SEMA6C: variants seen among roughly 807,000 people sequenced by gnomAD.
SEMA6C encodes the protein semaphorin-6C.
A neutral mutation model predicts 72.9 loss-of-function variants in SEMA6C; 37 were observed. The ratio of observed to expected loss-of-function variants is 0.51; its 90% CI spans 0.39 to 0.67. The LOEUF is 0.67. Among genes scored for constraint, SEMA6C ranks in the 30% least tolerant of loss-of-function variants. SEMA6C has a pLI of 0.00. For missense variants in SEMA6C, 1,189 were observed against 1,263.6 expected, an observed-to-expected ratio of 0.94 and a Z score of 0.89; for synonymous variants, 578 against 554.1, an observed-to-expected ratio of 1.04 and a Z score of -0.61.
chr1:151,133,174 G>A lies in SEMA6C; in HGVS notation c.2103C>T (p.Pro701=), dbSNP rs1402035474. The A allele has an allele frequency of 7.1e-6, 11 of 1,559,854 alleles. No individual in the cohort carries two copies. The highest frequency in any genetic ancestry group is 8.6e-6 in the Non-Finnish European group (10 of 1,163,922). The change falls in exon 19 of 19, where the codon CCC becomes CCT. Residue 701 remains proline (P), a synonymous_variant. Coordinates refer to ENST00000368914, the MANE Select transcript of SEMA6C (RefSeq NM_030913.6). The surrounding 1 kb of genome is among the most constrained non-coding windows in gnomAD (Gnocchi z 5.9). ...TGACCGGCAGCTCCGGCGTGGACTCGGGGGTGGGCAGGCAGGCCAGCTCCG... is the reference window on the plus strand; with the variant it reads ...TGACCGGCAGCTCCGGCGTGGACTCAGGGGTGGGCAGGCAGGCCAGCTCCG... ...PPPELACLPT[P]ESTPELPVKH...
chr1:151,133,993 G>A lies in SEMA6C; in HGVS notation c.1759+408C>T. The A allele has an allele frequency of 8.7e-7, 1 of 1,153,016 alleles. No individual in the cohort carries two copies. Among genetic ancestry groups the A allele is most frequent in the Non-Finnish European group, 1.2e-6 (1 of 801,698 alleles). 71.4% of individuals were successfully genotyped at this position (1,153,016 alleles called of 1,614,324 possible). A position where few individuals can be genotyped will look rare whatever the true frequency, so the allele number is the denominator to read the frequency against. On this transcript the variant is annotated intron_variant, in intron 18 of 18. Coordinates refer to ENST00000368914, the MANE Select transcript of SEMA6C (RefSeq NM_030913.6). This position sits in a 1 kb window ranked among gnomAD's most constrained non-coding sequence, Gnocchi z 5.9. ...TGAACTCCAAGAGTGGAAGACTGGG[G>A]CCGGGGGTGGGCATCACTGGGAGGA...
intron 6 of SEMA6C, among the ~76,000 whole-genome samples, chr1:151,138,991 G>T (rs1267166432): frequency 6.6e-6 from 1 of 151,858 alleles, no homozygotes; most frequent in Non-Finnish European, 1.5e-5. Flanking sequence ...TACTTGGGAG[G>T]CTGAGGCAGG....
At chr1:151,138,935 T>C in intron 6 of SEMA6C, among the ~76,000 whole-genome samples, 1 of 151,664 alleles carries the variant, frequency 6.6e-6, no homozygotes, top group Non-Finnish European at 1.5e-5. Flanking sequence ...TCTACTAAAA[T>C]ACAAAAAATT....
chr1:151,143,826 C>G (rs1043352377), intron 2 of SEMA6C, among the ~76,000 whole-genome samples: 11 of 152,160 alleles, frequency 7.2e-5, no homozygotes, highest in Non-Finnish European at 1.5e-4. Context: ...AGACTCCTTT[C>G]TTTTGTGAAC....
In SEMA6C at chr1:151,133,227, G is replaced by A; in HGVS notation, c.2050C>T (p.Leu684=). 2 of 1,579,738 alleles carry A rather than the reference G, an allele frequency of 1.3e-6. No homozygotes were observed. Among genetic ancestry groups the A allele is most frequent in the Non-Finnish European group, 1.7e-6 (2 of 1,169,118 alleles). Residue 684 remains leucine (L), a synonymous_variant, in exon 19 of 19, where the codon CTG becomes TTG. Coordinates refer to ENST00000368914, the MANE Select transcript of SEMA6C (RefSeq NM_030913.6). This position sits in a 1 kb window ranked among gnomAD's most constrained non-coding sequence, Gnocchi z 5.9. ...VQTPQLYTTF[L]PPPEGVPPPE... is the part of the protein sequence containing the mutation. Reference sequence around the variant, plus strand: ...GGGGGCACGCCCTCCGGAGGCGGCAGGAAGGTGGTGTAGAGCTGCGGCGTC... The same window carrying A: ...GGGGGCACGCCCTCCGGAGGCGGCAAGAAGGTGGTGTAGAGCTGCGGCGTC...
chr1:151,132,915 C>T lies in SEMA6C; in HGVS notation c.2362G>A (p.Ala788Thr), dbSNP rs1272043877. The T allele has an allele frequency of 7.3e-7, 1 of 1,377,176 alleles. No homozygotes were observed. The highest frequency in any genetic ancestry group is 9.4e-7 in the Non-Finnish European group (1 of 1,065,176). 85.3% of individuals were successfully genotyped at this position (1,377,176 alleles called of 1,614,324 possible). The change falls in exon 19 of 19, where the codon GCC becomes ACC. Residue 788 changes from alanine to threonine, a missense_variant. This residue lies in a region of SEMA6C where 721 missense variants were observed against 686.2 expected (regional missense o/e 1.05). Transcript: ENST00000368914. ...QPPRKGAEPPAPLTSRALPPE... is the reference protein window; with the variant it reads ...QPPRKGAEPPTPLTSRALPPE... ...GGGAGCGCCCGCGAGGTTAAAGGGGCGGGGGGCTCGGCCCCCTTTCTGGGC... is the reference window on the plus strand; with the variant it reads ...GGGAGCGCCCGCGAGGTTAAAGGGGTGGGGGGCTCGGCCCCCTTTCTGGGC...
intron 16 of SEMA6C, 38 bp downstream of exon 16, chr1:151,134,760 A>G (rs1304522251): frequency 6.2e-7 from 1 of 1,612,108 alleles, no homozygotes; most frequent in Non-Finnish European, 8.5e-7. Context: ...ATTGGTGGGG[A>G]ATTTTATGCT....
chr1:151,142,631 G>A lies in SEMA6C; in HGVS notation c.-10C>T. ...GGGGGGCACGGGGCATCCTGTGCGG[G>A]GCAGCTCAGGCCCCAGGGGGTGCCC... On this transcript the variant is annotated 5_prime_UTR_variant, in exon 3 of 19. Coordinates refer to ENST00000368914, the MANE Select transcript of SEMA6C (RefSeq NM_030913.6). 7.8e-6 allele frequency: 12 copies of A among 1,544,218 alleles called. No individual in the cohort carries two copies. The highest frequency in any genetic ancestry group is 1.0e-5 in the Non-Finnish European group (12 of 1,148,748).
At position 151,137,773 on chromosome 1, in the gene SEMA6C, G is replaced by C; in HGVS notation, c.694C>G (p.His232Asp). Residue 232 changes from histidine (H) to aspartate (D), a missense_variant, in exon 10 of 19, where the codon CAT becomes GAT. His to Asp is a moderately conservative substitution (Grantham distance 81, BLOSUM62 -1). Transcript: ENST00000368914. Reference protein sequence around the residue: ...REPHFVQALEHGDHVYFFFRE... With the variant: ...REPHFVQALEDGDHVYFFFRE... ...AAGAAGAAGTAGACATGGTCTCCATGCTCCAAGGCCTGGACAAAGTGTGGC... is the reference window on the plus strand; with the variant it reads ...AAGAAGAAGTAGACATGGTCTCCATCCTCCAAGGCCTGGACAAAGTGTGGC... The C allele has an allele frequency of 6.2e-7, 1 of 1,613,700 alleles. No individual in the cohort carries two copies. Among genetic ancestry groups the C allele is most frequent in the Non-Finnish European group, 8.5e-7 (1 of 1,179,718 alleles).
Position 151,132,917 on chromosome 1 carries a change from G to T in SEMA6C, c.2360C>A (p.Pro787His). The change falls in exon 19 of 19, where the codon CCC becomes CAC. Residue 787 changes from proline (P) to histidine (H), a missense_variant. Pro to His is a moderately conservative substitution (Grantham distance 77). Coordinates refer to ENST00000368914, the MANE Select transcript of SEMA6C (RefSeq NM_030913.6). The part of the protein sequence containing the change: ...PQPPRKGAEP[P>H]APLTSRALPP... ...GAGCGCCCGCGAGGTTAAAGGGGCGGGGGGCTCGGCCCCCTTTCTGGGCGG... is the reference window on the plus strand; with the variant it reads ...GAGCGCCCGCGAGGTTAAAGGGGCGTGGGGCTCGGCCCCCTTTCTGGGCGG... 4 of 1,384,266 alleles carry T rather than the reference G, an allele frequency of 2.9e-6. No homozygotes were observed. Among genetic ancestry groups the T allele is most frequent in the Non-Finnish European group, 2.8e-6 (3 of 1,068,990 alleles). 85.7% of individuals were successfully genotyped at this position (1,384,266 alleles called of 1,614,324 possible). A position where few individuals can be genotyped will look rare whatever the true frequency, so the allele number is the denominator to read the frequency against.
rs1682948880 is a variant in SEMA6C, at chr1:151,146,533, T to C, written c.-205A>G. ...GTGGTTGTGCTCAGGCGAGATGCGA[T>C]GAGCGTCCGAATTGGATGGTGCTTG... On this transcript the variant is annotated 5_prime_UTR_variant, in exon 1 of 19. Coordinates refer to ENST00000368914, the MANE Select transcript of SEMA6C (RefSeq NM_030913.6). This position sits in a 1 kb window ranked among gnomAD's most constrained non-coding sequence, Gnocchi z 4.6. The C allele has an allele frequency of 6.6e-6, 1 of 152,264 alleles. No homozygotes were observed. Among genetic ancestry groups the C allele is most frequent in the Non-Finnish European group, 1.5e-5 (1 of 68,072 alleles). The allele number at this position is 152,264 out of a possible 1,614,324, so 9.4% of individuals were successfully genotyped here.
chr1:151,138,240 A>G (rs1682227951), intron 8 of SEMA6C, 76 bp downstream of exon 8: 1 of 1,586,232 alleles, frequency 6.3e-7, no homozygotes, highest in Non-Finnish European at 8.6e-7. Context: ...AATGGGGGAA[A>G]GACCCACTGG....
rs1184072045 is a variant in SEMA6C, at chr1:151,134,516, C to A, written c.1715-71G>T. Reference sequence around the variant, plus strand: ...ATGAAGAACTGATGGGGTGACTGTGCCACAGAAGGAGAGAAGGACAAAAGG... The same window carrying A: ...ATGAAGAACTGATGGGGTGACTGTGACACAGAAGGAGAGAAGGACAAAAGG... On this transcript the variant is annotated intron_variant, in intron 17 of 18. Transcript: ENST00000368914. 3 of 1,603,230 alleles carry A rather than the reference C, an allele frequency of 1.9e-6. No individual in the cohort carries two copies. In the East Asian group the frequency reaches 6.7e-5, roughly 36 times the overall value.
In SEMA6C at chr1:151,133,199, G is replaced by C; in HGVS notation, c.2078C>G (p.Pro693Arg). The change falls in exon 19 of 19, where the codon CCG becomes CGG. Residue 693 changes from proline to arginine, a missense_variant. Pro to Arg is a moderately radical substitution (Grantham distance 103). This residue lies in a region of SEMA6C where 721 missense variants were observed against 686.2 expected (regional missense o/e 1.05). Coordinates refer to ENST00000368914, the MANE Select transcript of SEMA6C (RefSeq NM_030913.6). The surrounding 1 kb of genome is among the most constrained non-coding windows in gnomAD (Gnocchi z 5.9). ...FLPPPEGVPP[P>R]ELACLPTPES... ...GGGGGTGGGCAGGCAGGCCAGCTCCGGCGGGGGCACGCCCTCCGGAGGCGG... is the reference window on the plus strand; with the variant it reads ...GGGGGTGGGCAGGCAGGCCAGCTCCCGCGGGGGCACGCCCTCCGGAGGCGG... 1.3e-6 allele frequency: 2 copies of C among 1,569,978 alleles called. No homozygotes were observed. Among genetic ancestry groups the C allele is most frequent in the Non-Finnish European group, 1.7e-6 (2 of 1,166,526 alleles).
rs766594931 is a variant in SEMA6C at position 151,135,592 on chromosome 1, G to A, written c.1432C>T (p.Arg478Trp). ...GGGCCTGCCCTCCAAAGGCCTCACC[G>A]GGCAGGGCTGTAGGCATCAATCTCT... is the stretch of plus-strand genomic sequence containing the variant. ...LEEIDAYSPA[R>W]CSGKRTAQTA... Residue 478 changes from arginine (R) to tryptophan (W), a missense_variant and splice_region_variant, in exon 14 of 19, where the codon CGG becomes TGG. Physicochemically the swap from Arg to Trp is moderately radical, Grantham distance 101. Coordinates refer to ENST00000368914, the MANE Select transcript of SEMA6C (RefSeq NM_030913.6). 6.7e-5 allele frequency: 108 copies of A among 1,611,828 alleles called. No individual in the cohort carries two copies. Among genetic ancestry groups the A allele is most frequent in the Non-Finnish European group, 8.8e-5 (104 of 1,179,110 alleles).
chr1:151,141,147 G>A (rs958227875), intron 3 of SEMA6C, among the ~76,000 whole-genome samples: 3 of 151,992 alleles, frequency 2.0e-5, no homozygotes, highest in African/African-American at 4.8e-5. Flanking sequence ...AAATATAACC[G>A]GAACTGCAAA....
chr1:151,138,229 G>A, intron 8 of SEMA6C, 87 bp downstream of exon 8: 2 of 1,582,408 alleles, frequency 1.3e-6, no homozygotes, highest in African/African-American at 1.3e-5. Context: ...CCACTCAGGG[G>A]AATGGGGGAA....
chr1:151,139,735 G>A (rs747633968), intron 4 of SEMA6C, 34 bp from the exon 5 acceptor site: 10 of 1,558,138 alleles, frequency 6.4e-6, no homozygotes, highest in Non-Finnish European at 8.7e-6. Flanking sequence ...TCAGAGCCTA[G>A]TCAAGGCACC....
At position 151,136,403 on chromosome 1, in the gene SEMA6C, C is replaced by T. The variant is rs6587556; in HGVS notation, c.1106+45G>A. ...CTCACAATCCCATCTTGGGGGCAGACGCTGCTTGCTTCTGCCCCCACAAAA... is the reference window on the plus strand; with the variant it reads ...CTCACAATCCCATCTTGGGGGCAGATGCTGCTTGCTTCTGCCCCCACAAAA... On this transcript the variant is annotated intron_variant, in intron 12 of 18. Coordinates refer to ENST00000368914, the MANE Select transcript of SEMA6C (RefSeq NM_030913.6). 11,667 of 1,597,400 alleles carry T rather than the reference C, an allele frequency of 7.3e-3. 627 individuals are homozygous for T. In the African/African-American group the frequency reaches 0.13, roughly 17 times the overall value.
Sources: allele counts gnomAD v4.1 joint callset (sites outside exome capture counted in the v4.1 genomes callset), GRCh38; gene constraint gnomAD v4.1.1; regional missense constraint gnomAD v4.1.1; non-coding constraint Gnocchi (gnomAD v3.1); transcripts MANE v1.5; gene names NCBI Gene and HGNC (gene_info 2026-07-23, HGNC 2026-07-21).